The following PEDS1 variants were observed in gnomAD, a reference collection of about 807,000 sequenced individuals.
PEDS1 encodes CarF homolog.
A neutral mutation model predicts 35.2 loss-of-function variants in PEDS1; 14 were observed. That is an observed-to-expected ratio of 0.40 (90% CI 0.26 to 0.62). The LOEUF (loss-of-function observed/expected upper bound fraction) is 0.62. Ranked by LOEUF, PEDS1 falls within the 20% of genes least tolerant of loss-of-function variation. PEDS1 has a pLI of 0.44. For synonymous variants in PEDS1, 152 were observed against 152.0 expected, an observed-to-expected ratio of 1.00 and a Z score of 0.00; for missense variants, 260 against 367.8, an observed-to-expected ratio of 0.71 and a Z score of 2.40.
chr20:50,142,692 C>CA (rs1324885487), intron 2 of PEDS1, among the ~76,000 whole-genome samples: 3 of 102,304 alleles, frequency 2.9e-5, no homozygotes, highest in African/African-American at 3.7e-5. Context: ...GCCCCCCCCC[C>CA]CCCGCCCCAA....
At chr20:50,127,508 AT>A (rs1051863653) in intron 5 of PEDS1, among the ~76,000 whole-genome samples, 8 of 151,294 alleles carry the variant, frequency 5.3e-5, no homozygotes, top group African/African-American at 1.7e-4. Flanking sequence ...AGCCCAATTA[AT>A]TTTTTTTCGT....
At chr20:50,143,397 C>G in intron 2 of PEDS1, 105 bp downstream of exon 2, 3 of 1,510,474 alleles carry the variant, frequency 2.0e-6, no homozygotes, top group Non-Finnish European at 2.7e-6. Context: ...ATACTGGACT[C>G]AAGCACACAC....
At chr20:50,131,054 G>A in intron 2 of PEDS1, 107 bp from the exon 3 acceptor site, 4 of 1,585,894 alleles carry the variant, frequency 2.5e-6, no homozygotes, top group Non-Finnish European at 3.4e-6. Context: ...AGGGGAAGGT[G>A]TCCCTTCTTC....
intron 5 of PEDS1, among the ~76,000 whole-genome samples, chr20:50,126,174 C>T (rs2081101278): frequency 6.6e-6 from 1 of 152,196 alleles, no homozygotes; most frequent in African/African-American, 2.4e-5. Context: ...CACTGCTGAT[C>T]CTCAGTGCTT....
chr20:50,146,840 T>C lies in PEDS1; in HGVS notation c.122-3219A>G, dbSNP rs893791908. 3.3e-5 allele frequency among the ~76,000 whole-genome samples: 5 copies of C among 152,152 alleles called. No homozygotes were observed. The East Asian group carries it at 9.6e-4, about 29-fold the overall frequency. ...GGTTCCCCAATTCTCAGGCGAGGGCTGTTTCTCTTGAGCCACGCAGCACCC... is the reference window on the plus strand; with the variant it reads ...GGTTCCCCAATTCTCAGGCGAGGGCCGTTTCTCTTGAGCCACGCAGCACCC... On this transcript the variant is annotated intron_variant, in intron 1 of 5. Coordinates refer to ENST00000371652, the MANE Select transcript of PEDS1 (RefSeq NM_199129.4).
intron 2 of PEDS1, 90 bp from the exon 3 acceptor site, chr20:50,131,037 T>C (rs1404121560): frequency 1.9e-6 from 3 of 1,603,556 alleles, no homozygotes; most frequent in Non-Finnish European, 1.7e-6. Flanking sequence ...CTCATTCATT[T>C]GTTAGGAGGG....
chr20:50,146,904 T>G (rs1390709221), intron 1 of PEDS1, among the ~76,000 whole-genome samples: 1 of 152,188 alleles, frequency 6.6e-6, no homozygotes, highest in African/African-American at 2.4e-5. Flanking sequence ...GGGATCACCA[T>G]GATCAGGCCC....
At chr20:50,151,943 T>A (rs1015510415) in intron 1 of PEDS1, among the ~76,000 whole-genome samples, 1 of 152,046 alleles carries the variant, frequency 6.6e-6, no homozygotes, top group Non-Finnish European at 1.5e-5. Flanking sequence ...CAGTGGACGA[T>A]CTCATTTCCA....
At chr20:50,150,205 A>C (rs1195684973) in intron 1 of PEDS1, among the ~76,000 whole-genome samples, 1 of 152,108 alleles carries the variant, frequency 6.6e-6, no homozygotes, top group Non-Finnish European at 1.5e-5. Context: ...AGGTGAGGAA[A>C]ATGCCAGCAC....
chr20:50,150,168 C>G (rs537114403), intron 1 of PEDS1, among the ~76,000 whole-genome samples: 3 of 151,992 alleles, frequency 2.0e-5, no homozygotes, highest in Non-Finnish European at 4.4e-5. Flanking sequence ...ACAGCTCACA[C>G]GGTTGTAGTG....
At chr20:50,126,962 C>T (rs1030335605) in intron 5 of PEDS1, among the ~76,000 whole-genome samples, 1 of 152,082 alleles carries the variant, frequency 6.6e-6, no homozygotes, top group Non-Finnish European at 1.5e-5. Flanking sequence ...TCTCCTCCCT[C>T]TTCCACTGCT....
intron 3 of PEDS1, 134 bp downstream of exon 3, chr20:50,130,722 G>A: frequency 8.9e-7 from 1 of 1,123,946 alleles, no homozygotes; most frequent in East Asian, 2.5e-5. Flanking sequence ...TTGCAGCACA[G>A]GGGTGAGGGA....
intron 3 of PEDS1, 94 bp downstream of exon 3, chr20:50,130,762 G>A (rs1339082151): frequency 1.4e-6 from 2 of 1,447,886 alleles, no homozygotes; most frequent in African/African-American, 1.4e-5. Flanking sequence ...CCATCTTTCA[G>A]ATAGGGAAAC....
chr20:50,138,105 G>A (rs1365824479), intron 2 of PEDS1, among the ~76,000 whole-genome samples: 5 of 152,220 alleles, frequency 3.3e-5, no homozygotes, highest in African/African-American at 9.6e-5. Context: ...AGGAAACTGC[G>A]TGCCCCAGGC....
chr20:50,153,527 G>A lies in PEDS1; in HGVS notation c.111C>T (p.Leu37=). The change falls in exon 1 of 6, where the codon CTC becomes CTT. Residue 37 remains leucine (L), a synonymous_variant. Coordinates refer to ENST00000371652, the MANE Select transcript of PEDS1 (RefSeq NM_199129.4). ...GCCCAGAGGTCTTACCTGGCGAGTA[G>A]AGCGCAGCCAGCTCGCGGGCCCCGG... is the stretch of plus-strand genomic sequence containing the variant. ...QHAGARELAA[L]YSPGKRLQEW... is the part of the protein sequence containing the mutation. 7.0e-7 allele frequency: 1 copy of A among 1,419,970 alleles called. No individual in the cohort carries two copies. Among genetic ancestry groups the A allele is most frequent in the Non-Finnish European group, 9.3e-7 (1 of 1,080,346 alleles). 88.0% of individuals were successfully genotyped at this position (1,419,970 alleles called of 1,614,324 possible).
intron 2 of PEDS1, among the ~76,000 whole-genome samples, chr20:50,133,690 C>T (rs1244429181): frequency 6.6e-6 from 1 of 152,264 alleles, no homozygotes; most frequent in African/African-American, 2.4e-5. Context: ...GGCCTTCTTG[C>T]TCAGAGCGAA....
chr20:50,142,130 G>A (rs2081297288), intron 2 of PEDS1, among the ~76,000 whole-genome samples: 1 of 152,198 alleles, frequency 6.6e-6, no homozygotes, highest in Non-Finnish European at 1.5e-5. Flanking sequence ...CCTTCTCTGA[G>A]CCTCAGTTCC....
chr20:50,122,095 T>C lies in PEDS1; in HGVS notation c.*2963A>G, dbSNP rs551625774. ...GCCCTGGGACTTCCACTGCAACTAC[T>C]GGGAATGCACTTTCCACTGAGATTG... On this transcript the variant is annotated 3_prime_UTR_variant, in exon 6 of 6. Coordinates refer to ENST00000371652, the MANE Select transcript of PEDS1 (RefSeq NM_199129.4). The C allele has an allele frequency of 5.9e-5, 9 of 152,358 alleles. No individual in the cohort carries two copies. The highest frequency in any genetic ancestry group is 1.9e-4 in the East Asian group (1 of 5,178). 9.4% of individuals were successfully genotyped at this position (152,358 alleles called of 1,614,324 possible).
chr20:50,124,832 A>G lies in PEDS1; in HGVS notation c.*226T>C. 1 of 496,964 alleles carries G rather than the reference A, an allele frequency of 2.0e-6. No homozygotes were observed. The highest frequency in any genetic ancestry group is 3.6e-6 in the Non-Finnish European group (1 of 279,718). The allele number at this position is 496,964 out of a possible 1,614,324, so 30.8% of individuals were successfully genotyped here. On this transcript the variant is annotated 3_prime_UTR_variant, in exon 6 of 6. Coordinates refer to ENST00000371652, the MANE Select transcript of PEDS1 (RefSeq NM_199129.4). ...CTGGCAGAGTCAGGCTTGCAGATAGAGCAACTCAGGTGGCTGAGGAGGGGC... is the reference window on the plus strand; with the variant it reads ...CTGGCAGAGTCAGGCTTGCAGATAGGGCAACTCAGGTGGCTGAGGAGGGGC...
Sources: gnomAD v4.1 joint callset for allele counts (sites outside exome capture counted in the v4.1 genomes callset) on GRCh38, gnomAD v4.1.1 for gene constraint, MANE v1.5 for transcripts, NCBI Gene and HGNC (gene_info 2026-07-23, HGNC 2026-07-21) for gene names.